WDR3: variants seen among roughly 807,000 people sequenced by gnomAD.
WDR3 encodes WD repeat domain 3, also known as WD repeat-containing protein 3.
WDR3 carries 81 observed loss-of-function variants against 123.7 expected under a neutral mutation model. That is an observed-to-expected ratio of 0.65 (90% CI 0.55 to 0.79). WDR3 has a LOEUF of 0.79. Ranked by LOEUF, WDR3 falls within the 30% of genes least tolerant of loss-of-function variation. WDR3 has a pLI of 0.00. For missense variants in WDR3, 1,027 were observed against 1,123.2 expected, an observed-to-expected ratio of 0.91 and a Z score of 1.22; for synonymous variants, 390 against 388.8, an observed-to-expected ratio of 1.00 and a Z score of -0.04.
At position 117,942,417 on chromosome 1, in the gene WDR3, A is replaced by G. The variant is rs41276600; in HGVS notation, c.990-20A>G. 705 of 1,602,560 alleles carry G rather than the reference A, an allele frequency of 4.4e-4. 1 individual carries two copies. The highest frequency in any genetic ancestry group is 5.7e-4 in the Non-Finnish European group (663 of 1,170,654). On this transcript the variant is annotated intron_variant, in intron 9 of 26. Coordinates refer to ENST00000349139, the MANE Select transcript of WDR3 (RefSeq NM_006784.3). ...TTCTAGAAAAATAAGAGCATGATATACTTTTCTTCTTCCCTCTAGATTACA... is the reference window on the plus strand; with the variant it reads ...TTCTAGAAAAATAAGAGCATGATATGCTTTTCTTCTTCCCTCTAGATTACA...
At position 117,949,998 on chromosome 1, in the gene WDR3, T is replaced by TGG; in HGVS notation, c.1614_1615insGG (p.Ser539GlyfsTer3). On this transcript the variant is annotated frameshift_variant, in exon 15 of 27. Coordinates refer to ENST00000349139, the MANE Select transcript of WDR3 (RefSeq NM_006784.3). LOFTEE classifies it high-confidence loss of function. ...TTGATGTTTTTTGTGGTGCTAGACT[T>TGG]TCTGTGAAGCAAACCCGAACTTTGC... The TGG allele has an allele frequency of 6.2e-7, 1 of 1,613,968 alleles. No homozygotes were observed. The highest frequency in any genetic ancestry group is 1.3e-5 in the African/African-American group (1 of 75,046).
At chr1:117,945,499 C>T (rs1472768666) in intron 11 of WDR3, among the ~76,000 whole-genome samples, 1 of 152,180 alleles carries the variant, frequency 6.6e-6, no homozygotes, top group African/African-American at 2.4e-5. Flanking sequence ...TCTTCATCCT[C>T]TTCTCCCAGC....
chr1:117,942,956 CTT>C (rs922764475), intron 10 of WDR3, among the ~76,000 whole-genome samples: 2 of 135,338 alleles, frequency 1.5e-5, no homozygotes, highest in Non-Finnish European at 3.1e-5. Flanking sequence ...TCGGAGCACT[CTT>C]TTAATTTTTT....
In WDR3 at chr1:117,942,437, A is replaced by G. The variant is rs767768005; in HGVS notation, c.990A>G (p.Lys330=). ...KKMKKARKKA[K]LHSSKGEEED... ...GATATACTTTTCTTCTTCCCTCTAGATTACATTCTAGCAAAGGAGAGGAGG... is the reference window on the plus strand; with the variant it reads ...GATATACTTTTCTTCTTCCCTCTAGGTTACATTCTAGCAAAGGAGAGGAGG... Residue 330 remains lysine (K), a splice_region_variant and synonymous_variant, in exon 10 of 27, where the codon AAA becomes AAG. Coordinates refer to ENST00000349139, the MANE Select transcript of WDR3 (RefSeq NM_006784.3). The G allele has an allele frequency of 1.2e-5, 19 of 1,613,256 alleles. No individual in the cohort carries two copies. The South Asian group carries it at 1.9e-4, about 16-fold the overall frequency.
In WDR3 at chr1:117,948,463, C is replaced by G. The variant is rs1178116128; in HGVS notation, c.1481C>G (p.Ala494Gly). 39 of 1,613,874 alleles carry G rather than the reference C, an allele frequency of 2.4e-5. No homozygotes were observed. The highest frequency in any genetic ancestry group is 3.2e-5 in the Non-Finnish European group (38 of 1,179,952). ...ASGNLLETID[A>G]HDGALWSMSL... ...GGGAATCTGCTGGAGACAATAGATG[C>G]ACATGATGGAGCTTTGTGGTCCATG... is the stretch of plus-strand genomic sequence containing the variant. Residue 494 changes from alanine (A) to glycine (G), a missense_variant, in exon 13 of 27, where the codon GCA (alanine) becomes GGA (glycine). Coordinates refer to ENST00000349139, the MANE Select transcript of WDR3 (RefSeq NM_006784.3).
intron 16 of WDR3, 83 bp downstream of exon 16, chr1:117,950,973 CTTAGA>C (rs1247896208): frequency 5.3e-6 from 6 of 1,123,018 alleles, no homozygotes; most frequent in Admixed American, 2.5e-5. Context: ...ATGTCTTCAT[CTTAGA>C]TTATTTGTTT....
intron 12 of WDR3, among the ~76,000 whole-genome samples, chr1:117,947,026 C>T (rs1476150193): frequency 4.0e-5 from 6 of 151,412 alleles, no homozygotes. Flanking sequence ...GGGATGACGA[C>T]ACTTGCTTTT....
intron 8 of WDR3, among the ~76,000 whole-genome samples, chr1:117,941,446 T>C (rs1250531023): frequency 6.6e-6 from 1 of 152,218 alleles, no homozygotes; most frequent in Non-Finnish European, 1.5e-5. Flanking sequence ...TTTTGCCATT[T>C]AAAAAGTAAT....
chr1:117,958,360 T>C (rs1438141527), intron 25 of WDR3, among the ~76,000 whole-genome samples: 1 of 152,204 alleles, frequency 6.6e-6, no homozygotes, highest in Non-Finnish European at 1.5e-5. Context: ...TTTTTACTGC[T>C]ATGGTATACG....
chr1:117,952,388 G>A lies in WDR3; in HGVS notation c.1996G>A (p.Glu666Lys), dbSNP rs776120840. 1.9e-6 allele frequency: 3 copies of A among 1,612,992 alleles called. No individual in the cohort carries two copies. Among genetic ancestry groups the A allele is most frequent in the Non-Finnish European group, 2.5e-6 (3 of 1,179,466 alleles). ...KIKQWDADKF[E>K]HIQTLEGHHQ... ...TAAACAGTGGGATGCAGACAAATTT[G>A]AACACATACAGACTCTGGAGGTAAC... Residue 666 changes from glutamate to lysine, a missense_variant, in exon 18 of 27, where the codon GAA becomes AAA. Coordinates refer to ENST00000349139, the MANE Select transcript of WDR3 (RefSeq NM_006784.3).
chr1:117,941,351 T>C, intron 8 of WDR3, 126 bp downstream of exon 8: 1 of 834,728 alleles, frequency 1.2e-6, no homozygotes, highest in Non-Finnish European at 1.8e-6. Context: ...TATGGTACTG[T>C]GTGGACCTAT....
In WDR3 at chr1:117,934,599, A is replaced by T. The variant is rs747943343; in HGVS notation, c.298A>T (p.Asn100Tyr). Residue 100 changes from asparagine (N) to tyrosine (Y), a missense_variant, in exon 3 of 27, where the codon AAT (asparagine) becomes TAT (tyrosine). By Grantham distance (143) the Asn-to-Tyr change is moderately radical. Coordinates refer to ENST00000349139, the MANE Select transcript of WDR3 (RefSeq NM_006784.3). The part of the protein sequence containing the change: ...RIFSLLSGEG[N>Y]VTFNGHKAAI... ...CTTCAGTCTCCTGAGTGGGGAAGGAAATGTGACCTTCAATGGTCACAAAGC... is the reference window on the plus strand; with the variant it reads ...CTTCAGTCTCCTGAGTGGGGAAGGATATGTGACCTTCAATGGTCACAAAGC... The T allele has an allele frequency of 1.2e-6, 2 of 1,614,154 alleles. No homozygotes were observed. The highest frequency in any genetic ancestry group is 1.1e-5 in the South Asian group (1 of 91,084).
At position 117,959,499 on chromosome 1, in the gene WDR3, C is replaced by A; in HGVS notation, c.*52C>A. ...TTCAACTTTTTCCTTTAAAGGACTCCTAAACTAAGCACAGAAGAGTTGGCG... is the reference window on the plus strand; with the variant it reads ...TTCAACTTTTTCCTTTAAAGGACTCATAAACTAAGCACAGAAGAGTTGGCG... On this transcript the variant is annotated 3_prime_UTR_variant, in exon 27 of 27. Coordinates refer to ENST00000349139, the MANE Select transcript of WDR3 (RefSeq NM_006784.3). The A allele has an allele frequency of 6.7e-7, 1 of 1,501,536 alleles. No individual in the cohort carries two copies. Among genetic ancestry groups the A allele is most frequent in the Non-Finnish European group, 8.9e-7 (1 of 1,123,122 alleles). The allele number at this position is 1,501,536 out of a possible 1,614,324, so 93.0% of individuals were successfully genotyped here.
chr1:117,950,900 TTAAA>T lies in WDR3; in HGVS notation c.1803+13_1803+16del. On this transcript the variant is annotated intron_variant, in intron 16 of 26. Coordinates refer to ENST00000349139, the MANE Select transcript of WDR3 (RefSeq NM_006784.3). ...CATGGACATCTCTCATGTAAGTAGT[TTAAA>T]TAGTGTCTCAGTAATATGTTGTCTT... The T allele has an allele frequency of 6.2e-7, 1 of 1,602,920 alleles. No individual in the cohort carries two copies.
At chr1:117,958,013 C>A (rs1652472096) in intron 25 of WDR3, among the ~76,000 whole-genome samples, 1 of 152,176 alleles carries the variant, frequency 6.6e-6, no homozygotes, top group Non-Finnish European at 1.5e-5. Flanking sequence ...AGAATATATG[C>A]ACAAAGGCTT....
chr1:117,957,021 C>T, intron 24 of WDR3, 47 bp from the exon 25 acceptor site: 2 of 1,489,170 alleles, frequency 1.3e-6, no homozygotes, highest in South Asian at 1.4e-5. Context: ...ACCATGTTAA[C>T]AACGTTAACA....
intron 22 of WDR3, among the ~76,000 whole-genome samples, 178 bp from the exon 23 acceptor site, chr1:117,954,402 C>T (rs1402973466): frequency 2.6e-5 from 4 of 152,044 alleles, no homozygotes; most frequent in Admixed American, 2.0e-4. Flanking sequence ...ATTGTCCAAG[C>T]TCATTCATGA....
In WDR3 at chr1:117,966,102, A is replaced by C. The variant is rs1215794668; in HGVS notation, c.*6655A>C. 1 of 152,252 alleles carries C rather than the reference A, an allele frequency of 6.6e-6. No homozygotes were observed. Among genetic ancestry groups the C allele is most frequent in the East Asian group, 1.9e-4 (1 of 5,196 alleles). The allele number at this position is 152,252 out of a possible 1,614,324, so 9.4% of individuals were successfully genotyped here. A position where few individuals can be genotyped will look rare whatever the true frequency, so the allele number is the denominator to read the frequency against. On this transcript the variant is annotated 3_prime_UTR_variant, in exon 27 of 27. Transcript: ENST00000349139. ...TGTGAAGACTTTATTTCTGCTACAAATTATATAATACCTTTTAAGACAGAG... is the reference window on the plus strand; with the variant it reads ...TGTGAAGACTTTATTTCTGCTACAACTTATATAATACCTTTTAAGACAGAG...
At chr1:117,930,309 T>C (rs1170471532) in intron 1 of WDR3, among the ~76,000 whole-genome samples, 1 of 152,072 alleles carries the variant, frequency 6.6e-6, no homozygotes, top group African/African-American at 2.4e-5. Context: ...ATCGAGGCGA[T>C]GAAAAAAGGC....
Sources: allele counts gnomAD v4.1 joint callset (sites outside exome capture counted in the v4.1 genomes callset), GRCh38; gene constraint gnomAD v4.1.1; transcripts MANE v1.5; gene names NCBI Gene and HGNC (gene_info 2026-07-23, HGNC 2026-07-21).